NPAS3: variants seen among roughly 807,000 people sequenced by gnomAD.
NPAS3 encodes neuronal PAS domain protein 3, also known as neuronal PAS domain-containing protein 3.
NPAS3 carries 14 observed loss-of-function variants against 73.1 expected under a neutral mutation model. The observed-to-expected ratio is 0.19, with a 90% confidence interval of 0.13 to 0.30. The LOEUF (loss-of-function observed/expected upper bound fraction) is 0.30. NPAS3 is among the 10% of genes least tolerant of loss of function. NPAS3 has a pLI of 1.00. For synonymous variants in NPAS3, 620 were observed against 541.5 expected (o/e 1.14, Z -2.01); for missense variants, 1,096 against 1,250.0 (o/e 0.88, Z 1.86).
intron 4 of NPAS3, among the ~76,000 whole-genome samples, chr14:33,434,357 T>C (rs933584762): frequency 2.6e-5 from 4 of 151,686 alleles, no homozygotes; most frequent in Middle Eastern, 3.4e-3. Flanking sequence ...TGAGACCCCA[T>C]CTCTACAAAA....
At chr14:33,295,278 G>A (rs1410894371) in intron 3 of NPAS3, among the ~76,000 whole-genome samples, 1 of 152,170 alleles carries the variant, frequency 6.6e-6, no homozygotes, top group African/African-American at 2.4e-5. Context: ...GCTCCCGTAA[G>A]TACTGATGAA....
At chr14:33,679,424 GCTT>G (rs2059870302) in intron 6 of NPAS3, among the ~76,000 whole-genome samples, 1 of 152,130 alleles carries the variant, frequency 6.6e-6, no homozygotes, top group Non-Finnish European at 1.5e-5. Context: ...TCACAAAGCT[GCTT>G]ATGTTTCTTA....
intron 3 of NPAS3, among the ~76,000 whole-genome samples, chr14:33,316,122 G>A (rs1056286086): frequency 5.3e-5 from 8 of 152,018 alleles, no homozygotes; most frequent in African/African-American, 1.4e-4. Flanking sequence ...TAGAATTAAC[G>A]ATTCCCAGAA....
chr14:32,981,459 T>C (rs569401186), intron 1 of NPAS3, among the ~76,000 whole-genome samples: 82 of 152,358 alleles, frequency 5.4e-4, no homozygotes, highest in African/African-American at 1.9e-3. Flanking sequence ...GCCATTTAAT[T>C]ATTTTTTAAC....
intron 1 of NPAS3, among the ~76,000 whole-genome samples, chr14:33,023,963 A>T (rs1051897259): frequency 4.6e-5 from 7 of 152,222 alleles, no homozygotes; most frequent in Admixed American, 1.3e-4. Flanking sequence ...AAAGATACTG[A>T]TGTGGCCCTT....
intron 5 of NPAS3, among the ~76,000 whole-genome samples, chr14:33,584,520 G>A (rs1285014479): frequency 6.6e-6 from 1 of 152,098 alleles, no homozygotes; most frequent in African/African-American, 2.4e-5. Context: ...AGAAGTCAAG[G>A]TGTGGGCAGT....
chr14:33,644,459 C>G (rs1288555909), intron 5 of NPAS3, among the ~76,000 whole-genome samples: 1 of 152,198 alleles, frequency 6.6e-6, no homozygotes, highest in African/African-American at 2.4e-5. Flanking sequence ...GGTATGATGA[C>G]ACAAGTCAGA....
At chr14:33,274,567 T>A (rs1449302041) in intron 3 of NPAS3, among the ~76,000 whole-genome samples, 5 of 152,158 alleles carry the variant, frequency 3.3e-5, no homozygotes, top group Non-Finnish European at 7.3e-5. Context: ...CCCCTTCTCA[T>A]ATGCATTATT....
intron 2 of NPAS3, among the ~76,000 whole-genome samples, chr14:33,198,206 T>C (rs189182030): frequency 5.9e-5 from 9 of 152,316 alleles, no homozygotes; most frequent in Admixed American, 2.6e-4. Context: ...GCAAGAGTTA[T>C]TGCAAAGAGC....
intron 4 of NPAS3, among the ~76,000 whole-genome samples, chr14:33,531,074 T>C (rs1290916721): frequency 6.6e-6 from 1 of 152,046 alleles, no homozygotes; most frequent in African/African-American, 2.4e-5. Flanking sequence ...CTTTTATGTG[T>C]TTGAAGATGT....
intron 2 of NPAS3, among the ~76,000 whole-genome samples, chr14:33,155,711 G>C (rs1191290333): frequency 1.3e-5 from 2 of 152,176 alleles, no homozygotes; most frequent in Non-Finnish European, 2.9e-5. Context: ...CCTAGGTAGG[G>C]AGTGTGGTCT....
rs558048418 is a variant in NPAS3, at chr14:33,410,936, G to A, written c.468+43668G>A. ...GCTGGGATTACAGGAGTGAGCCACCGCATCCAGCTGAATAGTTGGTATTTT... is the reference window on the plus strand; with the variant it reads ...GCTGGGATTACAGGAGTGAGCCACCACATCCAGCTGAATAGTTGGTATTTT... On this transcript the variant is annotated intron_variant, in intron 4 of 11. Transcript: ENST00000356141. Among the ~76,000 whole-genome samples the A allele has an allele frequency of 2.6e-4, 39 of 152,182 alleles. No individual in the cohort carries two copies. In the East Asian group the frequency reaches 3.7e-3, roughly 14 times the overall value.
chr14:33,708,710 G>A (rs1220228689), intron 6 of NPAS3, among the ~76,000 whole-genome samples: 2 of 152,216 alleles, frequency 1.3e-5, no homozygotes, highest in African/African-American at 4.8e-5. Context: ...GACACATGGA[G>A]GTGGGGGGAG....
intron 5 of NPAS3, among the ~76,000 whole-genome samples, chr14:33,634,487 C>A (rs1345422434): frequency 6.6e-6 from 1 of 152,148 alleles, no homozygotes; most frequent in Non-Finnish European, 1.5e-5. Context: ...CCAGTGAGAT[C>A]ATTTAGGGGC....
chr14:33,448,811 A>G (rs1241418032), intron 4 of NPAS3, among the ~76,000 whole-genome samples: 1 of 152,188 alleles, frequency 6.6e-6, no homozygotes, highest in East Asian at 1.9e-4. Context: ...ATGTGAATGA[A>G]AAATAGCAGC....
intron 2 of NPAS3, among the ~76,000 whole-genome samples, chr14:33,191,259 A>C (rs2046161649): frequency 2.0e-5 from 3 of 152,178 alleles, no homozygotes; most frequent in South Asian, 4.1e-4. Flanking sequence ...AGATATCATA[A>C]AGTATTATGA....
At chr14:33,603,746 A>G (rs1015007368) in intron 5 of NPAS3, among the ~76,000 whole-genome samples, 1 of 152,206 alleles carries the variant, frequency 6.6e-6, no homozygotes, top group Admixed American at 6.5e-5. Context: ...GAAGACTGTC[A>G]GAAACAGCAA....
chr14:33,468,200 ACT>A (rs1460946881), intron 4 of NPAS3, among the ~76,000 whole-genome samples: 1 of 152,014 alleles, frequency 6.6e-6, no homozygotes, highest in Non-Finnish European at 1.5e-5. Flanking sequence ...ATTTCACCAG[ACT>A]CTCTGATTTA....
At chr14:33,412,253 G>A (rs1206349953) in intron 4 of NPAS3, among the ~76,000 whole-genome samples, 1 of 151,880 alleles carries the variant, frequency 6.6e-6, no homozygotes. Flanking sequence ...CGAGTAGCTG[G>A]GACTACAGGT....
Sources: allele counts gnomAD v4.1 joint callset (sites outside exome capture counted in the v4.1 genomes callset), GRCh38; gene constraint gnomAD v4.1.1; transcripts MANE v1.5; gene names NCBI Gene and HGNC (gene_info 2026-07-23, HGNC 2026-07-21).